GRIK4: variants seen among roughly 807,000 people sequenced by gnomAD.
GRIK4 encodes glutamate ionotropic receptor kainate type subunit 4.
A neutral mutation model predicts 104.9 loss-of-function variants in GRIK4; 40 were observed. The observed-to-expected ratio is 0.38, with a 90% confidence interval of 0.30 to 0.50. GRIK4 has a LOEUF of 0.50. GRIK4 is among the 20% of genes least tolerant of loss of function. The pLI, the probability that GRIK4 is intolerant of heterozygous loss-of-function variation, is 0.93. For synonymous variants in GRIK4, 485 were observed against 524.9 expected, an observed-to-expected ratio of 0.92 and a Z score of 1.04; for missense variants, 1,047 against 1,308.1, an observed-to-expected ratio of 0.80 and a Z score of 3.08.
At chr11:120,656,383 C>T (rs183645866) in intron 2 of GRIK4, among the ~76,000 whole-genome samples, 12 of 152,292 alleles carry the variant, frequency 7.9e-5, no homozygotes, top group South Asian at 2.1e-4. Flanking sequence ...GCTTGTTCTG[C>T]GGTTTAACTA....
chr11:120,862,893 G>A (rs941363882), intron 9 of GRIK4, among the ~76,000 whole-genome samples: 2 of 152,102 alleles, frequency 1.3e-5, no homozygotes, highest in African/African-American at 2.4e-5. Flanking sequence ...ATTTTTAAAA[G>A]CCCCATGAGG....
At chr11:120,906,493 A>G (rs1017285764) in intron 13 of GRIK4, among the ~76,000 whole-genome samples, 21 of 152,254 alleles carry the variant, frequency 1.4e-4, no homozygotes, top group African/African-American at 5.1e-4. Context: ...GAGCCCAGAA[A>G]GCTTGAGTGA....
chr11:120,513,739 G>C lies in GRIK4; in HGVS notation c.-159+1852G>C, dbSNP rs1947688740. On this transcript the variant is annotated intron_variant, in intron 1 of 20. Transcript: ENST00000527524. This position sits in a 1 kb window ranked among gnomAD's most constrained non-coding sequence, Gnocchi z 4.5. ...CTGTCCTCCTCTGGACCTGCCACCT[G>C]AAACCCAGAGGCAGCACTGGTCCCT... Among the ~76,000 whole-genome samples, 1 of 152,152 alleles carries C rather than the reference G, an allele frequency of 6.6e-6. No individual in the cohort carries two copies.
chr11:120,769,048 T>C (rs1244230753), intron 3 of GRIK4, among the ~76,000 whole-genome samples: 1 of 152,240 alleles, frequency 6.6e-6, no homozygotes, highest in Non-Finnish European at 1.5e-5. Flanking sequence ...AAGGATGGTC[T>C]TGTAAAATGT....
At chr11:120,630,424 A>G (rs1318014232) in intron 1 of GRIK4, among the ~76,000 whole-genome samples, 1 of 152,266 alleles carries the variant, frequency 6.6e-6, no homozygotes, top group African/African-American at 2.4e-5. Context: ...CTGGCAGCCC[A>G]CTGGGAAGAG....
intron 1 of GRIK4, among the ~76,000 whole-genome samples, chr11:120,563,597 GTT>G (rs1424832983): frequency 2.0e-5 from 3 of 152,174 alleles, no homozygotes; most frequent in African/African-American, 7.2e-5. Flanking sequence ...CCAGCCCTGT[GTT>G]ACAGGTGGGA....
At chr11:120,884,423 G>A (rs1474829190) in intron 11 of GRIK4, among the ~76,000 whole-genome samples, 3 of 152,196 alleles carry the variant, frequency 2.0e-5, no homozygotes, top group African/African-American at 7.2e-5. Flanking sequence ...TGAGCGAGAC[G>A]CCCAGGGCCA....
intron 13 of GRIK4, among the ~76,000 whole-genome samples, chr11:120,911,645 C>T (rs1181853198): frequency 2.7e-5 from 4 of 149,420 alleles, no homozygotes; most frequent in Admixed American, 6.6e-5. Flanking sequence ...AGTTCAAGAC[C>T]AGCCTGGCCA....
intron 1 of GRIK4, among the ~76,000 whole-genome samples, chr11:120,534,660 T>C (rs1591679671): frequency 1.3e-5 from 2 of 152,178 alleles, no homozygotes; most frequent in South Asian, 4.1e-4. Flanking sequence ...ATACAGTGTC[T>C]AGTGGATTTG....
chr11:120,655,282 G>C (rs73578390), intron 2 of GRIK4, among the ~76,000 whole-genome samples: 2,436 of 151,758 alleles, frequency 0.016, 59 homozygotes, highest in African/African-American at 0.055. Context: ...GTCCATCAGG[G>C]GATGGGACTG....
chr11:120,698,739 C>G (rs535675324), intron 3 of GRIK4, among the ~76,000 whole-genome samples: 4 of 152,194 alleles, frequency 2.6e-5, no homozygotes, highest in Non-Finnish European at 5.9e-5. Context: ...GAGTTCTGCC[C>G]CCATCCTCTT....
intron 13 of GRIK4, among the ~76,000 whole-genome samples, chr11:120,934,584 G>A (rs1943555666): frequency 6.6e-6 from 1 of 152,182 alleles, no homozygotes; most frequent in Non-Finnish European, 1.5e-5. Flanking sequence ...GCCAAAGAGA[G>A]TATGTTTTGG....
intron 3 of GRIK4, among the ~76,000 whole-genome samples, chr11:120,677,811 G>A (rs765586095): frequency 6.6e-6 from 1 of 152,190 alleles, no homozygotes; most frequent in Non-Finnish European, 1.5e-5. Flanking sequence ...GAGGGCAGTG[G>A]ACCATCCCTT....
Position 120,962,681 on chromosome 11 carries a change from G to A in GRIK4, c.2266G>A (p.Gly756Ser), listed in dbSNP as rs1944311342. ...TKGYGIGMPV[G>S]SVFRDEFDLA... ...GGGCTATGGGATTGGCATGCCAGTC[G>A]GTATGCGGGAGAGGAACAGCCTCTT... The change falls in exon 18 of 21, where the codon GGC becomes AGC. Residue 756 changes from glycine (G) to serine (S), a missense_variant and splice_region_variant. Around this residue, in one of 3 missense-constraint regions of GRIK4, gnomAD observed 440 missense variants for 652.3 expected, o/e 0.67. Transcript: ENST00000527524. 3 of 1,607,116 alleles carry A rather than the reference G, an allele frequency of 1.9e-6. No homozygotes were observed. The highest frequency in any genetic ancestry group is 2.2e-5 in the East Asian group (1 of 44,844).
intron 3 of GRIK4, among the ~76,000 whole-genome samples, chr11:120,799,963 T>C (rs557314016): frequency 1.3e-4 from 20 of 151,570 alleles, no homozygotes; most frequent in African/African-American, 4.6e-4. Flanking sequence ...TTCTCCTGCC[T>C]CAGCACCCCG....
At chr11:120,760,930 G>A (rs1426322159) in intron 3 of GRIK4, among the ~76,000 whole-genome samples, 1 of 152,100 alleles carries the variant, frequency 6.6e-6, no homozygotes, top group Non-Finnish European at 1.5e-5. Context: ...TATCTTTAGA[G>A]TAGAATGATT....
At chr11:120,702,319 G>T (rs1230256658) in intron 3 of GRIK4, among the ~76,000 whole-genome samples, 1 of 152,142 alleles carries the variant, frequency 6.6e-6, no homozygotes. Context: ...AGGGAAGGAG[G>T]TTGGGCTGGT....
chr11:120,901,312 GCTGCATCCTGCCGCTC>G (rs1942731335), intron 12 of GRIK4, among the ~76,000 whole-genome samples: 1 of 10,372 alleles, frequency 9.6e-5, no homozygotes, highest in Non-Finnish European at 1.6e-4. Context: ...AGACCTGCTC[GCTGCATCCTGCCGCTC>G]GCTGCATCCT....
intron 1 of GRIK4, among the ~76,000 whole-genome samples, chr11:120,570,981 C>T (rs1023523899): frequency 2.0e-5 from 3 of 152,210 alleles, no homozygotes; most frequent in African/African-American, 7.2e-5. Context: ...TTTCTTTGTC[C>T]TTACCAATAG....
Sources: allele counts gnomAD v4.1 joint callset (sites outside exome capture counted in the v4.1 genomes callset), GRCh38; gene constraint gnomAD v4.1.1; regional missense constraint gnomAD v4.1.1; non-coding constraint Gnocchi (gnomAD v3.1); transcripts MANE v1.5; gene names NCBI Gene and HGNC (gene_info 2026-07-23, HGNC 2026-07-21).